Variants in ARMC10 observed in about 807,000 individuals in gnomAD.
The protein encoded by ARMC10 is armadillo repeat-containing protein 10.
Under a neutral mutation model 30.2 loss-of-function variants are expected in ARMC10, and 23 were observed. That is an observed-to-expected ratio of 0.76 (90% CI 0.55 to 1.08). ARMC10 has a LOEUF of 1.08. ARMC10 is among the 50% of genes least tolerant of loss of function. ARMC10 has a pLI of 0.00. For synonymous variants in ARMC10, 111 were observed against 164.4 expected, an observed-to-expected ratio of 0.68 and a Z score of 2.48; for missense variants, 303 against 413.7, an observed-to-expected ratio of 0.73 and a Z score of 2.32.
intron 4 of ARMC10, chr7:103,087,708 T>C (rs958846310): frequency 3.4e-6 from 3 of 887,922 alleles, no homozygotes; most frequent in African/African-American, 3.6e-5. Flanking sequence ...TTGAATATAA[T>C]GTTGATGGCA....
At chr7:103,086,548 A>G in intron 3 of ARMC10, 82 bp from the exon 4 acceptor site, 1 of 1,416,304 alleles carries the variant, frequency 7.1e-7, no homozygotes, top group Non-Finnish European at 9.5e-7. Flanking sequence ...TTTTAATTGT[A>G]TTTGTGGATG....
At chr7:103,076,149 G>A (rs1287449999) in intron 2 of ARMC10, among the ~76,000 whole-genome samples, 2 of 152,216 alleles carry the variant, frequency 1.3e-5, no homozygotes, top group African/African-American at 2.4e-5. Context: ...CGGGCAATTT[G>A]CTAATGGGAT....
intron 6 of ARMC10, 95 bp downstream of exon 6, chr7:103,097,443 G>T: frequency 1.1e-6 from 1 of 929,592 alleles, no homozygotes; most frequent in Non-Finnish European, 1.7e-6. Flanking sequence ...ATGTTAACAG[G>T]GATTCTCTCT....
chr7:103,091,621 T>C (rs750880839), intron 4 of ARMC10, among the ~76,000 whole-genome samples: 21 of 152,206 alleles, frequency 1.4e-4, no homozygotes, highest in Non-Finnish European at 2.8e-4. Context: ...TCCCATTCTT[T>C]ACTTCTGAAA....
intron 4 of ARMC10, among the ~76,000 whole-genome samples, chr7:103,090,088 T>A (rs1012600491): frequency 1.3e-5 from 2 of 152,130 alleles, no homozygotes; most frequent in African/African-American, 4.8e-5. Flanking sequence ...CAGGTAGAGT[T>A]GGGGAAGGAG....
At chr7:103,079,690 C>G (rs966855205) in intron 2 of ARMC10, among the ~76,000 whole-genome samples, 3 of 152,132 alleles carry the variant, frequency 2.0e-5, no homozygotes, top group Non-Finnish European at 4.4e-5. Context: ...ATCTTGAGTA[C>G]AAGTAAATAT....
At chr7:103,080,008 T>G (rs1350185611) in intron 2 of ARMC10, among the ~76,000 whole-genome samples, 4 of 152,192 alleles carry the variant, frequency 2.6e-5, no homozygotes, top group Non-Finnish European at 5.9e-5. Context: ...TTTCATTCCC[T>G]TTGAGAATTC....
chr7:103,080,162 T>G (rs1800249767), intron 2 of ARMC10, among the ~76,000 whole-genome samples: 1 of 152,244 alleles, frequency 6.6e-6, no homozygotes, highest in Admixed American at 6.5e-5. Context: ...AACTCACCAG[T>G]GGAAGAGCTG....
chr7:103,091,822 T>G (rs150045379), intron 4 of ARMC10, among the ~76,000 whole-genome samples: 3 of 152,334 alleles, frequency 2.0e-5, no homozygotes, highest in African/African-American at 7.2e-5. Context: ...GCTTGGCTAT[T>G]GCATCCCCAC....
rs1012461429 is a variant in ARMC10 at position 103,092,487 on chromosome 7, G to A, written c.539G>A (p.Ser180Asn). 6.3e-6 allele frequency: 10 copies of A among 1,581,158 alleles called. No homozygotes were observed. Among genetic ancestry groups the A allele is most frequent in the Non-Finnish European group, 8.7e-6 (10 of 1,154,614 alleles). The change falls in exon 5 of 7, where the codon AGT becomes AAT. Residue 180 changes from serine to asparagine, a missense_variant. By Grantham distance (46) the Ser-to-Asn change is conservative. Transcript: ENST00000323716. ...CTCCCCTGCCTTCAGATATACATCA[G>A]TCAAGTATGTGAGGATGTCTTCTCT... ...ENQIKIKIYI[S>N]QVCEDVFSGP...
chr7:103,087,234 A>G (rs780758576), intron 4 of ARMC10, among the ~76,000 whole-genome samples: 1 of 152,198 alleles, frequency 6.6e-6, no homozygotes. Context: ...GTGTATTGCA[A>G]AGTGTTAAGT....
chr7:103,099,729 A>C lies in ARMC10; in HGVS notation c.*1176A>C, dbSNP rs1802113066. 1 of 152,094 alleles carries C rather than the reference A, an allele frequency of 6.6e-6. No individual in the cohort carries two copies. The highest frequency in any genetic ancestry group is 6.6e-5 in the Admixed American group (1 of 15,266). The allele number at this position is 152,094 out of a possible 1,614,324, so 9.4% of individuals were successfully genotyped here. On this transcript the variant is annotated 3_prime_UTR_variant, in exon 7 of 7. Coordinates refer to ENST00000323716, the MANE Select transcript of ARMC10 (RefSeq NM_031905.5). ...TTTTTAATATGAGCCCAAATTGTATAATCTTTTTTTAATAAAGGGGAGAAA... is the reference window on the plus strand; with the variant it reads ...TTTTTAATATGAGCCCAAATTGTATCATCTTTTTTTAATAAAGGGGAGAAA...
At chr7:103,091,632 T>C (rs1345714950) in intron 4 of ARMC10, among the ~76,000 whole-genome samples, 2 of 152,236 alleles carry the variant, frequency 1.3e-5, no homozygotes, top group African/African-American at 4.8e-5. Flanking sequence ...ACTTCTGAAA[T>C]GATGTAGCTC....
At chr7:103,087,770 C>A (rs1032243883) in intron 4 of ARMC10, 35 of 984,882 alleles carry the variant, frequency 3.6e-5, no homozygotes, top group Non-Finnish European at 9.6e-6. Context: ...ACTTCCAGCC[C>A]AAAACACTGT....
chr7:103,095,960 G>A (rs1396038454), intron 5 of ARMC10: 1 of 151,908 alleles, frequency 6.6e-6, no homozygotes, highest in Non-Finnish European at 1.5e-5. Flanking sequence ...GGGAGGGATA[G>A]CATTGGGAGA....
rs1802000655 is a variant in ARMC10 at position 103,098,876 on chromosome 7, C to A, written c.*323C>A. 1 of 147,080 alleles carries A rather than the reference C, an allele frequency of 6.8e-6. No homozygotes were observed. Among genetic ancestry groups the A allele is most frequent in the African/African-American group, 2.5e-5 (1 of 39,292 alleles). 9.1% of individuals were successfully genotyped at this position (147,080 alleles called of 1,614,324 possible). A position where few individuals can be genotyped will look rare whatever the true frequency, so the allele number is the denominator to read the frequency against. Reference sequence around the variant, plus strand: ...TTTGAAGTGATTTGCAGTTACTCATCTGAGACAGCATCAGTATTTGACTAA... The same window carrying A: ...TTTGAAGTGATTTGCAGTTACTCATATGAGACAGCATCAGTATTTGACTAA... On this transcript the variant is annotated 3_prime_UTR_variant, in exon 7 of 7. Coordinates refer to ENST00000323716, the MANE Select transcript of ARMC10 (RefSeq NM_031905.5).
chr7:103,086,533 T>C (rs370476160), intron 3 of ARMC10, 97 bp from the exon 4 acceptor site: 11 of 1,340,562 alleles, frequency 8.2e-6, no homozygotes, highest in East Asian at 7.6e-5. Context: ...CAAAAAGCCG[T>C]TGATTTTTAA....
chr7:103,091,708 T>C (rs1801350940), intron 4 of ARMC10, among the ~76,000 whole-genome samples: 1 of 151,962 alleles, frequency 6.6e-6, no homozygotes, highest in Non-Finnish European at 1.5e-5. Context: ...TCTTCCCTGA[T>C]CCCAGTGTGC....
chr7:103,091,246 TGG>T (rs1801291843), intron 4 of ARMC10, among the ~76,000 whole-genome samples: 4 of 152,076 alleles, frequency 2.6e-5, no homozygotes, highest in African/African-American at 4.8e-5. Flanking sequence ...CTGGGCAACA[TGG>T]TGAAACCCTG....
Sources: allele counts gnomAD v4.1 joint callset (sites outside exome capture counted in the v4.1 genomes callset), GRCh38; gene constraint gnomAD v4.1.1; transcripts MANE v1.5; gene names NCBI Gene and HGNC (gene_info 2026-07-23, HGNC 2026-07-21).